Variants in ADGRE1 observed in about 807,000 individuals in gnomAD.
ADGRE1 encodes EGF-like module receptor 1.
A neutral mutation model predicts 102.7 loss-of-function variants in ADGRE1; 82 were observed. That is an observed-to-expected ratio of 0.80 (90% CI 0.67 to 0.96). ADGRE1 has a LOEUF of 0.96. Among genes scored for constraint, ADGRE1 ranks in the 40% least tolerant of loss-of-function variants. The probability of loss-of-function intolerance (pLI) is 0.00; values close to 1 mark genes in which losing one functional copy is unlikely to be tolerated. For missense variants in ADGRE1, 1,032 were observed against 1,085.3 expected, an observed-to-expected ratio of 0.95 and a Z score of 0.69; for synonymous variants, 398 against 399.6, an observed-to-expected ratio of 1.00 and a Z score of 0.05.
intron 6 of ADGRE1, 35 bp downstream of exon 6, chr19:6,902,056 A>T (rs202053872): frequency 2.5e-6 from 4 of 1,612,182 alleles, no homozygotes; most frequent in Non-Finnish European, 3.4e-6. Context: ...GTCAGGTCCA[A>T]GTCTGTTTGA....
At chr19:6,892,708 C>T (rs901732857) in intron 2 of ADGRE1, among the ~76,000 whole-genome samples, 1 of 152,206 alleles carries the variant, frequency 6.6e-6, no homozygotes, top group Non-Finnish European at 1.5e-5. Context: ...ATGGAATCCA[C>T]CTCAGTGTCC....
Position 6,908,776 on chromosome 19 carries a change from A to AAAAGAC in ADGRE1, c.1122+4_1122+5insAAAGAC. 6.2e-7 allele frequency: 1 copy of AAAAGAC among 1,603,506 alleles called. No homozygotes were observed. The highest frequency in any genetic ancestry group is 8.5e-7 in the Non-Finnish European group (1 of 1,177,282). On this transcript the variant is annotated splice_donor_region_variant and intron_variant, in intron 10 of 20. Coordinates refer to ENST00000312053, the MANE Select transcript of ADGRE1 (RefSeq NM_001974.5). ...AACGACCGTAGTTTCTCTGAAGGTA[A>AAAAGAC]CGATTGGGTCTTTTAAATTGTGTTT...
chr19:6,901,636 T>G (rs966630783), intron 5 of ADGRE1, among the ~76,000 whole-genome samples: 37 of 152,228 alleles, frequency 2.4e-4, no homozygotes, highest in Non-Finnish European at 4.0e-4. Context: ...TTGAAACTAT[T>G]TGCCACCCTT....
intron 18 of ADGRE1, among the ~76,000 whole-genome samples, chr19:6,936,778 G>A (rs2431521): frequency 0.69 from 105,356 of 151,732 alleles, 36,858 homozygotes; most frequent in Non-Finnish European, 0.74. Flanking sequence ...ATCTGCCACC[G>A]TGCCCGGCTA....
chr19:6,901,203 G>T (rs1004569936), intron 5 of ADGRE1, among the ~76,000 whole-genome samples: 3 of 152,226 alleles, frequency 2.0e-5, no homozygotes, highest in African/African-American at 7.2e-5. Flanking sequence ...ACACCTAGCT[G>T]CAAGAGAAGC....
At chr19:6,890,069 C>T (rs993980312) in intron 1 of ADGRE1, among the ~76,000 whole-genome samples, 1 of 152,042 alleles carries the variant, frequency 6.6e-6, no homozygotes, top group Admixed American at 6.6e-5. Flanking sequence ...GTCACCACCA[C>T]CCAGCTAATT....
intron 10 of ADGRE1, among the ~76,000 whole-genome samples, chr19:6,911,024 T>G (rs1974155541): frequency 6.7e-6 from 1 of 149,772 alleles, no homozygotes; most frequent in African/African-American, 2.4e-5. Flanking sequence ...AAGAATAAAT[T>G]TAACATATCA....
At chr19:6,903,988 T>C (rs1973860536) in intron 7 of ADGRE1, 38 bp downstream of exon 7, 1 of 1,614,066 alleles carries the variant, frequency 6.2e-7, no homozygotes, top group East Asian at 2.2e-5. Flanking sequence ...AGAAAAGACA[T>C]TTCTCTTTGC....
Position 6,897,438 on chromosome 19 carries a change from G to C in ADGRE1, c.405G>C (p.Glu135Asp). ...TCCACTGCTTCTCAGATATCAATGA[G>C]TGCCTCACCAGCAGCGTCTGCCCTG... is the stretch of plus-strand genomic sequence containing the variant. The part of the protein sequence containing the change: ...PGNFSCTDIN[E>D]CLTSSVCPEH... Residue 135 changes from glutamate (E) to aspartate (D), a missense_variant, in exon 5 of 21, where the codon GAG (glutamate) becomes GAC (aspartate). Transcript: ENST00000312053. 6.3e-7 allele frequency: 1 copy of C among 1,594,762 alleles called. No homozygotes were observed. The highest frequency in any genetic ancestry group is 8.5e-7 in the Non-Finnish European group (1 of 1,170,342).
intron 6 of ADGRE1, among the ~76,000 whole-genome samples, chr19:6,903,517 T>G (rs1316346595): frequency 6.6e-6 from 1 of 152,192 alleles, no homozygotes; most frequent in Non-Finnish European, 1.5e-5. Context: ...GTTTTTGCAT[T>G]CCTTAGAGCC....
Position 6,924,658 on chromosome 19 carries a change from C to A in ADGRE1, c.1792-20C>A. The A allele has an allele frequency of 6.2e-7, 1 of 1,607,504 alleles. No individual in the cohort carries two copies. Among genetic ancestry groups the A allele is most frequent in the Non-Finnish European group, 8.5e-7 (1 of 1,174,748 alleles). On this transcript the variant is annotated intron_variant, in intron 14 of 20. Coordinates refer to ENST00000312053, the MANE Select transcript of ADGRE1 (RefSeq NM_001974.5). The stretch of plus-strand genomic sequence containing the variant: ...TTTTGATCCCATTCTCAGGCCAACT[C>A]TGAAATTCCTTCCTGACAGATGGAC...
intron 19 of ADGRE1, 61 bp downstream of exon 19, chr19:6,937,472 C>T (rs889533077): frequency 4.0e-5 from 63 of 1,593,634 alleles, no homozygotes; most frequent in Middle Eastern, 1.7e-4. Flanking sequence ...CCTTCCCCAC[C>T]GCATCCCTCC....
intron 4 of ADGRE1, 41 bp from the exon 5 acceptor site, chr19:6,897,387 C>G: frequency 6.3e-7 from 1 of 1,598,330 alleles, no homozygotes; most frequent in African/African-American, 1.3e-5. Flanking sequence ...AACTGAGGCA[C>G]CCAATTTCTT....
rs76487194 is a variant in ADGRE1, at chr19:6,897,780, A to G, written c.514+233A>G. The G allele has an allele frequency of 4.5e-3, 1,336 of 299,270 alleles. 14 individuals carry two copies. Among genetic ancestry groups the G allele is most frequent in the African/African-American group, 0.019 (859 of 45,842 alleles). 18.5% of individuals were successfully genotyped at this position (299,270 alleles called of 1,614,324 possible). On this transcript the variant is annotated intron_variant, in intron 5 of 20. Transcript: ENST00000312053. ...CAGCACATGGTTGGGTCTTTTTAAAAAATTTTTTATCTGGTTTAACAATCT... is the reference window on the plus strand; with the variant it reads ...CAGCACATGGTTGGGTCTTTTTAAAGAATTTTTTATCTGGTTTAACAATCT...
At chr19:6,903,055 C>T (rs1014485296) in intron 6 of ADGRE1, among the ~76,000 whole-genome samples, 2 of 152,240 alleles carry the variant, frequency 1.3e-5, no homozygotes, top group Non-Finnish European at 2.9e-5. Context: ...GTTACAGCTC[C>T]TGCAGAGCAG....
At position 6,940,380 on chromosome 19, in the gene ADGRE1, A is replaced by C. The variant is rs457749; in HGVS notation, c.*351A>C. ...CATGGTTCTAAGCATGCCCCTCCAG[A>C]GCCTATCATACGCCTGATACAGAGA... On this transcript the variant is annotated 3_prime_UTR_variant, in exon 21 of 21. Transcript: ENST00000312053. 0.71 allele frequency: 242,793 copies of C among 341,254 alleles called. 86,748 individuals carry two copies. Among genetic ancestry groups the C allele is most frequent in the Non-Finnish European group, 0.74 (136,105 of 184,842 alleles). The allele number at this position is 341,254 out of a possible 1,614,324, so 21.1% of individuals were successfully genotyped here.
At chr19:6,916,980 G>A (rs184455142) in intron 12 of ADGRE1, among the ~76,000 whole-genome samples, 110 of 152,232 alleles carry the variant, frequency 7.2e-4, no homozygotes, top group Non-Finnish European at 1.3e-3. Context: ...CTGTTGGACA[G>A]TGCTAATCTG....
At position 6,924,723 on chromosome 19, in the gene ADGRE1, T is replaced by C. The variant is rs1974814902; in HGVS notation, c.1837T>C (p.Ser613Pro). The change falls in exon 15 of 21, where the codon TCC becomes CCC. Residue 613 changes from serine (S) to proline (P), a missense_variant. Ser to Pro is a moderately conservative substitution (Grantham distance 74, BLOSUM62 -1). Coordinates refer to ENST00000312053, the MANE Select transcript of ADGRE1 (RefSeq NM_001974.5). ...YIISHVGIII[S>P]LVCLVLAIAT... is the part of the protein sequence containing the mutation. ...CATTAGCCATGTAGGCATTATCATC[T>C]CCTTGGTGTGCCTCGTCTTGGCCAT... The C allele has an allele frequency of 4.3e-6, 7 of 1,614,200 alleles. No homozygotes were observed. Among genetic ancestry groups the C allele is most frequent in the South Asian group, 1.1e-5 (1 of 91,084 alleles).
In ADGRE1 at chr19:6,935,331, T is replaced by A. The variant is rs577151869; in HGVS notation, c.2381+253T>A. ...CACCTACAGAATGGGGATATTAACA[T>A]TGCTTATTTTAGGTGCCTTACAAAG... On this transcript the variant is annotated intron_variant, in intron 18 of 20. Transcript: ENST00000312053. Among the ~76,000 whole-genome samples, 16 of 152,280 alleles carry A rather than the reference T, an allele frequency of 1.1e-4. 1 individual carries two copies. Among genetic ancestry groups the A allele is most frequent in the Admixed American group, 9.8e-4 (15 of 15,270 alleles).
Sources: gnomAD v4.1 joint callset for allele counts (sites outside exome capture counted in the v4.1 genomes callset) on GRCh38, gnomAD v4.1.1 for gene constraint, MANE v1.5 for transcripts, NCBI Gene and HGNC (gene_info 2026-07-23, HGNC 2026-07-21) for gene names.